Variants in UQCRH observed in about 807,000 individuals in gnomAD.
UQCRH encodes ubiquinol-cytochrome c reductase hinge protein, also known as cytochrome b-c1 complex subunit 6, mitochondrial.
In UQCRH, 14 loss-of-function variants were observed where a neutral mutation model predicts 16.3. The observed-to-expected ratio is 0.86, with a 90% CI of 0.57 to 1.34. The LOEUF (loss-of-function observed/expected upper bound fraction) is 1.34, where lower values mean the gene tolerates loss of function less well. Among genes scored for constraint, UQCRH ranks in the 40% most tolerant of loss-of-function variants. UQCRH has a pLI of 0.00. For missense variants in UQCRH, 89 were observed against 111.9 expected (o/e 0.80, Z 0.92); for synonymous variants, 41 against 41.9 (o/e 0.98, Z 0.08).
At chr1:46,315,614 TTAAAA>T (rs1661570281) in intron 3 of UQCRH, among the ~76,000 whole-genome samples, 2 of 148,396 alleles carry the variant, frequency 1.3e-5, no homozygotes, top group African/African-American at 2.5e-5. Flanking sequence ...AAAAAAAAGA[TTAAAA>T]TAGAAAAAAA....
chr1:46,307,545 G>T (rs1661399075), intron 1 of UQCRH, among the ~76,000 whole-genome samples: 1 of 152,130 alleles, frequency 6.6e-6, no homozygotes, highest in Non-Finnish European at 1.5e-5. Flanking sequence ...TATTTCTGAG[G>T]TCAGATTTTA....
At chr1:46,305,504 G>C (rs1174647594) in intron 1 of UQCRH, among the ~76,000 whole-genome samples, 1 of 130,954 alleles carries the variant, frequency 7.6e-6, no homozygotes, top group Middle Eastern at 3.9e-3. Context: ...AGGCCGAGGC[G>C]GGTGGATCGG....
At chr1:46,310,386 T>C in intron 3 of UQCRH, 70 bp downstream of exon 3, 6 of 1,604,318 alleles carry the variant, frequency 3.7e-6, no homozygotes, top group Non-Finnish European at 4.3e-6. Flanking sequence ...CAACAATCTT[T>C]CCATGCTAGG....
chr1:46,312,291 G>A (rs1415523349), intron 3 of UQCRH, among the ~76,000 whole-genome samples: 1 of 151,882 alleles, frequency 6.6e-6, no homozygotes, highest in East Asian at 1.9e-4. Flanking sequence ...TTTTAGTAGA[G>A]ACGGGGTTTC....
At chr1:46,314,318 A>G (rs888096643) in intron 3 of UQCRH, among the ~76,000 whole-genome samples, 1 of 148,082 alleles carries the variant, frequency 6.8e-6, no homozygotes, top group African/African-American at 2.5e-5. Flanking sequence ...GTGAGCTGAG[A>G]TCACGCCACT....
At chr1:46,304,519 G>C (rs1661326051) in intron 1 of UQCRH, among the ~76,000 whole-genome samples, 1 of 151,880 alleles carries the variant, frequency 6.6e-6, no homozygotes, top group African/African-American at 2.4e-5. Flanking sequence ...CCAGGTAGCT[G>C]GGACTACAGG....
intron 3 of UQCRH, among the ~76,000 whole-genome samples, chr1:46,315,930 G>T (rs4660921): frequency 0.66 from 100,676 of 151,956 alleles, 34,343 homozygotes; most frequent in East Asian, 0.79. Context: ...TAGGATCTGG[G>T]AGTAAGATAG....
At chr1:46,306,083 C>G (rs1315697333) in intron 1 of UQCRH, among the ~76,000 whole-genome samples, 1 of 152,092 alleles carries the variant, frequency 6.6e-6, no homozygotes, top group Non-Finnish European at 1.5e-5. Flanking sequence ...TGAGCCACCG[C>G]GCCCGGCTGA....
chr1:46,305,298 C>CAAAAAAAAAAAAAAAAAAAAAAAAAAAA (rs11444271), intron 1 of UQCRH, among the ~76,000 whole-genome samples: 1 of 65,006 alleles, frequency 1.5e-5, no homozygotes, highest in African/African-American at 6.7e-5. Flanking sequence ...GACCCTGTCT[C>CAAAAAAAAAAAAAAAAAAAAAAAAAAAA]AAAAAAAAAA....
chr1:46,309,013 TGTCTATC>T, intron 1 of UQCRH, 81 bp from the exon 2 acceptor site: 1 of 1,409,436 alleles, frequency 7.1e-7, no homozygotes, highest in Non-Finnish European at 1.0e-6. Flanking sequence ...ATAGTGTCAG[TGTCTATC>T]GTCAGTAATT....
intron 3 of UQCRH, among the ~76,000 whole-genome samples, chr1:46,315,045 ACCT>A (rs752675469): frequency 6.6e-6 from 1 of 152,218 alleles, no homozygotes; most frequent in Non-Finnish European, 1.5e-5. Context: ...GGTGGTTCAC[ACCT>A]CCTACACTTT....
intron 3 of UQCRH, among the ~76,000 whole-genome samples, chr1:46,313,020 G>A (rs371162442): frequency 1.8e-3 from 269 of 152,268 alleles, no homozygotes; most frequent in Non-Finnish European, 3.0e-3. Context: ...TACAGCCACT[G>A]TGGAAAACAT....
intron 3 of UQCRH, among the ~76,000 whole-genome samples, chr1:46,311,434 G>C (rs941365777): frequency 6.6e-5 from 10 of 151,074 alleles, no homozygotes; most frequent in South Asian, 2.1e-4. Flanking sequence ...AAAATTAGCC[G>C]GGCGTGGTGG....
chr1:46,309,710 A>T, intron 2 of UQCRH: 1 of 264,360 alleles, frequency 3.8e-6, no homozygotes, highest in African/African-American at 2.3e-5. Context: ...AACCTTTGTT[A>T]GATAGTCCTT....
chr1:46,313,921 T>C (rs2148338091), intron 3 of UQCRH, among the ~76,000 whole-genome samples: 1 of 152,174 alleles, frequency 6.6e-6, no homozygotes, highest in South Asian at 2.1e-4. Context: ...CACTTCTAGG[T>C]ATATACCCAG....
chr1:46,315,410 G>T (rs1281306970), intron 3 of UQCRH, among the ~76,000 whole-genome samples: 1 of 151,626 alleles, frequency 6.6e-6, no homozygotes, highest in African/African-American at 2.4e-5. Context: ...TCCAGCCTGG[G>T]CAACAAGAGT....
intron 3 of UQCRH, among the ~76,000 whole-genome samples, chr1:46,310,675 C>T (rs1231343207): frequency 6.6e-6 from 1 of 152,030 alleles, no homozygotes; most frequent in Non-Finnish European, 1.5e-5. Context: ...GTTATGTTGC[C>T]CAGGCTGGTC....
chr1:46,306,379 A>AGT (rs970222058), intron 1 of UQCRH, among the ~76,000 whole-genome samples: 2 of 128,020 alleles, frequency 1.6e-5, no homozygotes, highest in African/African-American at 5.5e-5. Context: ...AAACTTTTTC[A>AGT]GTTTTTTTTT....
chr1:46,313,670 T>C (rs1014830036), intron 3 of UQCRH, among the ~76,000 whole-genome samples: 1 of 150,882 alleles, frequency 6.6e-6, no homozygotes, highest in South Asian at 2.1e-4. Context: ...GATAGATAGA[T>C]AGATAGATAG....
Sources: allele counts gnomAD v4.1 joint callset (sites outside exome capture counted in the v4.1 genomes callset), GRCh38; gene constraint gnomAD v4.1.1; transcripts MANE v1.5; gene names NCBI Gene and HGNC (gene_info 2026-07-23, HGNC 2026-07-21).